The following PDE7B variants were observed in gnomAD, a reference collection of about 807,000 sequenced individuals.
PDE7B encodes the protein 3',5'-cyclic-AMP phosphodiesterase 7B.
PDE7B carries 29 observed loss-of-function variants against 56.2 expected under a neutral mutation model. The ratio of observed to expected loss-of-function variants is 0.52; its 90% CI spans 0.38 to 0.70. The LOEUF (loss-of-function observed/expected upper bound fraction) is 0.70, where lower values mean the gene tolerates loss of function less well. Among genes scored for constraint, PDE7B ranks in the 30% least tolerant of loss-of-function variants. The pLI is 0.00. For synonymous variants in PDE7B, 197 were observed against 196.9 expected, an observed-to-expected ratio of 1.00 and a Z score of 0.00; for missense variants, 490 against 565.0, an observed-to-expected ratio of 0.87 and a Z score of 1.35.
rs1360112741 is a variant in PDE7B, at chr6:136,194,503, C to T, written c.*2663C>T. 2.0e-5 allele frequency: 3 copies of T among 152,156 alleles called. No homozygotes were observed. The highest frequency in any genetic ancestry group is 2.0e-4 in the Admixed American group (3 of 15,268). 9.4% of individuals were successfully genotyped at this position (152,156 alleles called of 1,614,324 possible). ...TCAACTGGGGAGTTCTTGAGTTCCT[C>T]ATTTGTTGGTAAAAAGAAAAAGAAT... On this transcript the variant is annotated 3_prime_UTR_variant, in exon 13 of 13. Transcript: ENST00000308191.
chr6:136,019,402 G>T (rs1270030588), intron 2 of PDE7B, among the ~76,000 whole-genome samples: 1 of 151,792 alleles, frequency 6.6e-6, no homozygotes, highest in Admixed American at 6.6e-5. Context: ...GAAGGAAAAA[G>T]AAAAGGCCAT....
At chr6:136,006,458 T>C (rs1219432202) in intron 2 of PDE7B, among the ~76,000 whole-genome samples, 1 of 152,148 alleles carries the variant, frequency 6.6e-6, no homozygotes, top group East Asian at 1.9e-4. Context: ...GAATGTCATT[T>C]GTAGTTTGAT....
chr6:135,948,857 A>AGATC (rs1774637473), intron 2 of PDE7B, among the ~76,000 whole-genome samples: 4 of 126,150 alleles, frequency 3.2e-5, no homozygotes, highest in Non-Finnish European at 6.5e-5. Context: ...ATAGATAGAT[A>AGATC]GATAGATAGA....
intron 1 of PDE7B, among the ~76,000 whole-genome samples, chr6:135,869,995 GC>G (rs1482044808): frequency 6.6e-6 from 1 of 152,168 alleles, no homozygotes; most frequent in Non-Finnish European, 1.5e-5. Flanking sequence ...TAAATGAGAA[GC>G]CACTGAAACC....
chr6:136,002,925 T>C lies in PDE7B; in HGVS notation c.82+55401T>C, dbSNP rs545071911. ...TTTTTTCAGCACCACACCACACCTA[T>C]TCCAAAATTGACCACATACTTGGAA... On this transcript the variant is annotated intron_variant, in intron 2 of 12. Transcript: ENST00000308191. Among the ~76,000 whole-genome samples the C allele has an allele frequency of 3.3e-5, 5 of 152,068 alleles. No homozygotes were observed. In the South Asian group the frequency reaches 8.3e-4, roughly 25 times the overall value.
intron 8 of PDE7B, among the ~76,000 whole-genome samples, chr6:136,167,691 G>C (rs1231111822): frequency 2.0e-5 from 3 of 152,178 alleles, no homozygotes; most frequent in Non-Finnish European, 4.4e-5. Context: ...GTTCACTGAT[G>C]TATTCCAAGC....
At chr6:136,029,410 G>GT (rs1257487291) in intron 2 of PDE7B, among the ~76,000 whole-genome samples, 2 of 152,152 alleles carry the variant, frequency 1.3e-5, no homozygotes, top group Non-Finnish European at 2.9e-5. Context: ...AATCAGCAAG[G>GT]TATGTGAACA....
chr6:136,099,876 A>AGGT (rs1352756160), intron 2 of PDE7B, among the ~76,000 whole-genome samples: 1 of 152,174 alleles, frequency 6.6e-6, no homozygotes, highest in African/African-American at 2.4e-5. Flanking sequence ...GGTATTGCCT[A>AGGT]GGTTTTCCTC....
At chr6:135,985,210 T>C (rs183124410) in intron 2 of PDE7B, among the ~76,000 whole-genome samples, 7 of 152,236 alleles carry the variant, frequency 4.6e-5, no homozygotes, top group Admixed American at 1.3e-4. Flanking sequence ...TAAATGCCAC[T>C]GAGGGAAAAA....
At chr6:135,940,542 G>A (rs1212359286) in intron 1 of PDE7B, among the ~76,000 whole-genome samples, 1 of 152,136 alleles carries the variant, frequency 6.6e-6, no homozygotes, top group Non-Finnish European at 1.5e-5. Flanking sequence ...GCACTGTCAG[G>A]GAGTTCAGTT....
At chr6:136,068,782 GAATCGATTGTAAATGTTTCTT>G (rs1776994976) in intron 2 of PDE7B, among the ~76,000 whole-genome samples, 2 of 152,170 alleles carry the variant, frequency 1.3e-5, no homozygotes, top group Admixed American at 1.3e-4. Context: ...GCTTCAGAGA[GAATCGATTGTAAATGTTTCTT>G]AATCACACTT....
chr6:136,118,575 A>G (rs1302331384), intron 3 of PDE7B, among the ~76,000 whole-genome samples: 1 of 152,236 alleles, frequency 6.6e-6, no homozygotes, highest in Admixed American at 6.5e-5. Context: ...AAATAACTCA[A>G]CCAAGGTCAC....
Position 135,883,674 on chromosome 6 carries a change from T to C in PDE7B, c.21+31655T>C, listed in dbSNP as rs551691398. Reference sequence around the variant, plus strand: ...GCTGGCACTGAACTAGGCTGTGTCCTCTGTCTTTGGTCTACACTCTTTGGG... The same window carrying C: ...GCTGGCACTGAACTAGGCTGTGTCCCCTGTCTTTGGTCTACACTCTTTGGG... On this transcript the variant is annotated intron_variant, in intron 1 of 12. Transcript: ENST00000308191. Among the ~76,000 whole-genome samples, 5 of 152,310 alleles carry C rather than the reference T, an allele frequency of 3.3e-5. No individual in the cohort carries two copies. In the East Asian group the frequency reaches 5.8e-4, roughly 18 times the overall value.
intron 3 of PDE7B, among the ~76,000 whole-genome samples, chr6:136,134,237 G>A (rs902837559): frequency 4.6e-5 from 7 of 152,102 alleles, no homozygotes; most frequent in African/African-American, 7.2e-5. Flanking sequence ...GTTGTAGTAC[G>A]TTATGGCACA....
rs184945920 is a variant in PDE7B, at chr6:135,915,798, C to T, written c.22-31666C>T. On this transcript the variant is annotated intron_variant, in intron 1 of 12. Transcript: ENST00000308191. Reference sequence around the variant, plus strand: ...AGAACTTCATCCATGTAGAATTATACGGAATGTGCGTCTGTCTGTGGGCTG... The same window carrying T: ...AGAACTTCATCCATGTAGAATTATATGGAATGTGCGTCTGTCTGTGGGCTG... 1.2e-3 allele frequency among the ~76,000 whole-genome samples: 184 copies of T among 152,262 alleles called. 2 individuals are homozygous for T. The highest frequency in any genetic ancestry group is 4.1e-3 in the African/African-American group (169 of 41,558).
At chr6:136,156,300 C>G (rs1350089220) in intron 8 of PDE7B, among the ~76,000 whole-genome samples, 1 of 152,022 alleles carries the variant, frequency 6.6e-6, no homozygotes, top group Non-Finnish European at 1.5e-5. Flanking sequence ...AACAATCCCT[C>G]CACCTCAGCC....
intron 8 of PDE7B, among the ~76,000 whole-genome samples, chr6:136,164,001 G>T (rs1778752416): frequency 6.6e-6 from 1 of 152,150 alleles, no homozygotes; most frequent in Admixed American, 6.5e-5. Flanking sequence ...ACATCTGCCT[G>T]TTCCCCAGTT....
chr6:136,008,867 T>C (rs1775836835), intron 2 of PDE7B, among the ~76,000 whole-genome samples: 2 of 152,296 alleles, frequency 1.3e-5, no homozygotes, highest in East Asian at 3.9e-4. Context: ...TTTTGGCTTT[T>C]GTTGCCATTG....
chr6:136,075,504 G>C (rs1463883097), intron 2 of PDE7B, among the ~76,000 whole-genome samples: 1 of 152,172 alleles, frequency 6.6e-6, no homozygotes, highest in East Asian at 1.9e-4. Context: ...TTGATACCAA[G>C]GATCCTAGCT....
Sources: allele counts gnomAD v4.1 joint callset (sites outside exome capture counted in the v4.1 genomes callset), GRCh38; gene constraint gnomAD v4.1.1; transcripts MANE v1.5; gene names NCBI Gene and HGNC (gene_info 2026-07-23, HGNC 2026-07-21).